The following EPB41L4A variants were observed in gnomAD, a reference collection of about 807,000 sequenced individuals.
EPB41L4A encodes band 4.1-like protein 4A.
Under a neutral mutation model 108.6 loss-of-function variants are expected in EPB41L4A, and 100 were observed. The observed-to-expected ratio is 0.92, with a 90% CI of 0.78 to 1.09. EPB41L4A has a LOEUF of 1.09. Among genes scored for constraint, EPB41L4A ranks in the 50% least tolerant of loss-of-function variants. EPB41L4A has a pLI of 0.00. For missense variants in EPB41L4A, 1,030 were observed against 842.7 expected (o/e 1.22, Z -2.75); for synonymous variants, 319 against 289.0 (o/e 1.10, Z -1.05).
intron 12 of EPB41L4A, among the ~76,000 whole-genome samples, chr5:112,224,847 C>G (rs188287926): frequency 1.3e-5 from 2 of 152,248 alleles, no homozygotes; most frequent in Non-Finnish European, 2.9e-5. Context: ...CACAATCACA[C>G]TTTTGCCAAA....
intron 1 of EPB41L4A, among the ~76,000 whole-genome samples, chr5:112,310,018 C>G (rs1230790475): frequency 6.6e-6 from 1 of 152,208 alleles, no homozygotes; most frequent in Non-Finnish European, 1.5e-5. Context: ...CAGATAAGTG[C>G]TCAGCTGACT....
At chr5:112,367,844 A>G (rs989661936) in intron 1 of EPB41L4A, among the ~76,000 whole-genome samples, 6 of 148,670 alleles carry the variant, frequency 4.0e-5, no homozygotes, top group African/African-American at 1.6e-4. Context: ...AACTGAACTC[A>G]GTACCCGGCT....
intron 1 of EPB41L4A, among the ~76,000 whole-genome samples, chr5:112,408,815 G>C (rs191852998): frequency 6.7e-6 from 1 of 148,688 alleles, no homozygotes; most frequent in East Asian, 2.1e-4. Context: ...CCAATAGGAT[G>C]ATAATAAAAA....
chr5:112,161,608 A>G (rs1759908831), downstream of EPB41L4A: 4 of 519,068 alleles, frequency 7.7e-6, no homozygotes, highest in South Asian at 1.4e-5. Flanking sequence ...GAGCTGCATA[A>G]GTAACAGTTG....
At chr5:112,403,432 G>A (rs1232201540) in intron 1 of EPB41L4A, among the ~76,000 whole-genome samples, 3 of 150,962 alleles carry the variant, frequency 2.0e-5, no homozygotes, top group African/African-American at 7.3e-5. Context: ...AGAACTGTAA[G>A]TCTCCTTTTT....
intron 1 of EPB41L4A, among the ~76,000 whole-genome samples, chr5:112,359,887 T>A (rs1313147552): frequency 6.6e-6 from 1 of 152,206 alleles, no homozygotes; most frequent in African/African-American, 2.4e-5. Context: ...TATTACTTTA[T>A]TCTGAATAAT....
chr5:112,186,560 T>TCAAA (rs1216668108), intron 17 of EPB41L4A, among the ~76,000 whole-genome samples: 3 of 152,216 alleles, frequency 2.0e-5, no homozygotes, highest in Non-Finnish European at 4.4e-5. Context: ...AATATCCTTG[T>TCAAA]GATCCACATG....
intron 12 of EPB41L4A, among the ~76,000 whole-genome samples, chr5:112,226,495 A>T (rs1028005709): frequency 2.6e-5 from 4 of 152,190 alleles, no homozygotes; most frequent in Non-Finnish European, 4.4e-5. Flanking sequence ...TAATTACTTC[A>T]AATAGGGGAA....
At chr5:112,277,870 T>G (rs1182934118) in intron 3 of EPB41L4A, among the ~76,000 whole-genome samples, 1 of 152,214 alleles carries the variant, frequency 6.6e-6, no homozygotes, top group African/African-American at 2.4e-5. Flanking sequence ...ACAAAATTAT[T>G]GTCTTGAATC....
chr5:112,267,105 A>AT (rs1009562426), intron 4 of EPB41L4A, among the ~76,000 whole-genome samples: 5 of 151,956 alleles, frequency 3.3e-5, no homozygotes, highest in Non-Finnish European at 7.4e-5. Context: ...GATTAGTTTT[A>AT]TTTTTTTTCT....
rs1436133853 is a variant in EPB41L4A, at chr5:112,337,069, G to C, written c.100-29579C>G. ...TGTGGACATTAATCATTACCCCTCA[G>C]TGTTTACCTTTTGAGCCTGTCACGT... On this transcript the variant is annotated intron_variant, in intron 1 of 22. Coordinates refer to ENST00000261486, the MANE Select transcript of EPB41L4A (RefSeq NM_022140.5). Among the ~76,000 whole-genome samples the C allele has an allele frequency of 4.6e-5, 7 of 152,090 alleles. No individual in the cohort carries two copies. The East Asian group carries it at 1.3e-3, about 29-fold the overall frequency.
chr5:112,252,125 G>A (rs1750720064), intron 9 of EPB41L4A, among the ~76,000 whole-genome samples: 1 of 152,122 alleles, frequency 6.6e-6, no homozygotes, highest in African/African-American at 2.4e-5. Context: ...ATGAGGGAGA[G>A]TAAGGAAGAA....
At chr5:112,229,670 C>G (rs927265480) in intron 12 of EPB41L4A, among the ~76,000 whole-genome samples, 1 of 152,022 alleles carries the variant, frequency 6.6e-6, no homozygotes, top group South Asian at 2.1e-4. Flanking sequence ...TTTGGTTTTC[C>G]ATTCCTGAGT....
chr5:112,158,385 T>C (rs866088775), downstream of EPB41L4A: 14 of 417,292 alleles, frequency 3.4e-5, no homozygotes, highest in Middle Eastern at 1.7e-3. Flanking sequence ...ATATAGTACA[T>C]GTGTGTAGTT....
intron 1 of EPB41L4A, among the ~76,000 whole-genome samples, chr5:112,330,613 G>A (rs1454165542): frequency 6.6e-6 from 1 of 151,944 alleles, no homozygotes; most frequent in Non-Finnish European, 1.5e-5. Flanking sequence ...AGGAATGGGG[G>A]GTAACTAGCC....
At chr5:112,231,740 GC>G (rs1320979304) in intron 12 of EPB41L4A, among the ~76,000 whole-genome samples, 1 of 134,248 alleles carries the variant, frequency 7.4e-6, no homozygotes, top group African/African-American at 2.7e-5. Flanking sequence ...AGCCGAGATT[GC>G]GCCACTGCAG....
At chr5:112,379,349 T>C (rs1269389756) in intron 1 of EPB41L4A, among the ~76,000 whole-genome samples, 1 of 152,220 alleles carries the variant, frequency 6.6e-6, no homozygotes, top group East Asian at 1.9e-4. Context: ...TAAAGTCTTG[T>C]ATCCCACAAC....
intron 12 of EPB41L4A, among the ~76,000 whole-genome samples, chr5:112,214,501 C>T (rs187199537): frequency 2.2e-3 from 341 of 151,964 alleles, no homozygotes; most frequent in African/African-American, 7.6e-3. Context: ...CGGCGGCTCA[C>T]GCCTGTAATC....
intron 1 of EPB41L4A, among the ~76,000 whole-genome samples, chr5:112,377,321 T>C (rs546408394): frequency 5.0e-4 from 76 of 152,182 alleles, no homozygotes; most frequent in African/African-American, 1.7e-3. Context: ...GTAAATACAG[T>C]TTTGTAAGAA....
Sources: allele counts gnomAD v4.1 joint callset (sites outside exome capture counted in the v4.1 genomes callset), GRCh38; gene constraint gnomAD v4.1.1; transcripts MANE v1.5; gene names NCBI Gene and HGNC (gene_info 2026-07-23, HGNC 2026-07-21).